ALDH9A1: variants seen among roughly 807,000 people sequenced by gnomAD.
ALDH9A1 encodes 4-trimethylaminobutyraldehyde dehydrogenase.
A neutral mutation model predicts 56.6 loss-of-function variants in ALDH9A1; 42 were observed. The observed-to-expected ratio is 0.74, with a 90% CI of 0.58 to 0.96. ALDH9A1 has a LOEUF of 0.96. Among genes scored for constraint, ALDH9A1 ranks in the 40% least tolerant of loss-of-function variants. ALDH9A1 has a pLI of 0.00. For missense variants in ALDH9A1, 661 were observed against 651.5 expected (o/e 1.01, Z -0.16); for synonymous variants, 242 against 236.0 (o/e 1.03, Z -0.23).
intron 2 of ALDH9A1, among the ~76,000 whole-genome samples, chr1:165,691,732 G>A (rs1226826206): frequency 6.6e-6 from 1 of 152,166 alleles, no homozygotes; most frequent in East Asian, 1.9e-4. Flanking sequence ...CTCATTTTAT[G>A]AGGCCAGCAT....
chr1:165,676,445 G>C (rs1649360479), intron 6 of ALDH9A1: 1 of 240,230 alleles, frequency 4.2e-6, no homozygotes, highest in Admixed American at 4.8e-5. Flanking sequence ...AAGCGAACGG[G>C]TACTATTCAA....
chr1:165,698,393 A>T lies in ALDH9A1; in HGVS notation c.166T>A (p.Phe56Ile). 6.3e-7 allele frequency: 1 copy of T among 1,593,628 alleles called. No individual in the cohort carries two copies. Among genetic ancestry groups the T allele is most frequent in the Non-Finnish European group, 8.5e-7 (1 of 1,171,620 alleles). Residue 56 changes from phenylalanine (F) to isoleucine (I), a missense_variant, in exon 1 of 11, where the codon TTC becomes ATC. By Grantham distance (21) the Phe-to-Ile change is conservative. Transcript: ENST00000354775. ...PADASGTEKA[F>I]EPATGRVIAT... ...TTGCAGTTACCGGTTGCTGGCTCGA[A>T]AGCTTTCTCGGTACCGGAGGCGTCC...
intron 2 of ALDH9A1, among the ~76,000 whole-genome samples, chr1:165,685,492 A>T (rs1274981325): frequency 6.6e-6 from 1 of 152,194 alleles, no homozygotes; most frequent in Non-Finnish European, 1.5e-5. Context: ...AGAAGGAAAA[A>T]ATGGAGGGAG....
chr1:165,668,925 C>A lies in ALDH9A1; in HGVS notation c.1207+1G>T. 2 of 1,577,920 alleles carry A rather than the reference C, an allele frequency of 1.3e-6. No homozygotes were observed. The highest frequency in any genetic ancestry group is 2.2e-5 in the South Asian group (2 of 89,870). On this transcript the variant is annotated splice_donor_variant, in intron 8 of 10. Transcript: ENST00000354775. LOFTEE classifies it high-confidence loss of function. ...TAAAAGCAAACAAAAAGAGGACATA[C>A]TTAATACACAAGGTCTCATGTAATA...
rs4646901 is a variant in ALDH9A1 at position 165,665,138 on chromosome 1, G to GA, written c.1350-9dup. 12,408 of 1,415,468 alleles carry GA rather than the reference G, an allele frequency of 8.8e-3. 96 individuals carry two copies. The highest frequency in any genetic ancestry group is 0.062 in the African/African-American group (4,316 of 69,076). 87.7% of individuals were successfully genotyped at this position (1,415,468 alleles called of 1,614,324 possible). On this transcript the variant is annotated splice_polypyrimidine_tract_variant and intron_variant, in intron 9 of 10. Coordinates refer to ENST00000354775, the MANE Select transcript of ALDH9A1 (RefSeq NM_000696.4). ...TGAGCCCGTTGGATGTCCCTATGAA[G>GA]AAAAAAAAAATGTGTGCATTATTGA...
intron 2 of ALDH9A1, among the ~76,000 whole-genome samples, chr1:165,691,855 C>G (rs1255910536): frequency 6.6e-6 from 1 of 152,210 alleles, no homozygotes; most frequent in Non-Finnish European, 1.5e-5. Context: ...AGTAGCACAT[C>G]AAAAAGCTTA....
At chr1:165,678,507 T>C (rs750922858) in intron 6 of ALDH9A1, among the ~76,000 whole-genome samples, 1 of 152,018 alleles carries the variant, frequency 6.6e-6, no homozygotes, top group Non-Finnish European at 1.5e-5. Context: ...GGTGAACAAA[T>C]ATAGAAGAAA....
chr1:165,682,311 A>G (rs1649577111), intron 3 of ALDH9A1, 70 bp from the exon 4 acceptor site: 2 of 1,541,756 alleles, frequency 1.3e-6, no homozygotes, highest in African/African-American at 1.4e-5. Context: ...CATCTGTACC[A>G]GTCTGACTTG....
intron 1 of ALDH9A1, chr1:165,698,153 T>C (rs1650155121): frequency 8.0e-7 from 1 of 1,247,092 alleles, no homozygotes; most frequent in Non-Finnish European, 1.0e-6. Flanking sequence ...CTCACGATCC[T>C]ACCACGCAAC....
Position 165,663,104 on chromosome 1 carries a change from A to G in ALDH9A1, c.1503T>C (p.Tyr501=), listed in dbSNP as rs774822929. Residue 501 remains tyrosine (Y), a synonymous_variant, in exon 11 of 11, where the codon TAT becomes TAC. Coordinates refer to ENST00000354775, the MANE Select transcript of ALDH9A1 (RefSeq NM_000696.4). ...CCACACACACAGTCTTCAGCTGTGA[A>G]TAATATTCGATTGTCACACGGCCGT... ...RENGRVTIEY[Y]SQLKTVCVEM... is the part of the protein sequence containing the mutation. 2.2e-5 allele frequency: 35 copies of G among 1,613,980 alleles called. 1 individual carries two copies. The East Asian group carries it at 7.6e-4, about 35-fold the overall frequency.
rs150385108 is a variant in ALDH9A1 at position 165,690,513 on chromosome 1, G to A, written c.327+4739C>T. ...TCCCAGCGTGATCAATGCAGAAGAC[G>A]GTGATTTCTGCATTTCCAACAGAGG... On this transcript the variant is annotated intron_variant, in intron 2 of 10. Transcript: ENST00000354775. Among the ~76,000 whole-genome samples, 203 of 152,214 alleles carry A rather than the reference G, an allele frequency of 1.3e-3. 2 individuals carry two copies. The highest frequency in any genetic ancestry group is 4.3e-3 in the African/African-American group (179 of 41,514).
intron 2 of ALDH9A1, among the ~76,000 whole-genome samples, chr1:165,686,216 AGGAG>A (rs1199810078): frequency 6.6e-6 from 1 of 152,196 alleles, no homozygotes; most frequent in Non-Finnish European, 1.5e-5. Context: ...TGGTCCCTGG[AGGAG>A]GGAACCAATG....
At chr1:165,680,719 T>C in intron 4 of ALDH9A1, 36 bp from the exon 5 acceptor site, 2 of 1,551,368 alleles carry the variant, frequency 1.3e-6, no homozygotes, top group East Asian at 4.5e-5. Flanking sequence ...AAAAAGACTT[T>C]CTAAGACCAG....
rs1307054458 is a variant in ALDH9A1 at position 165,668,918 on chromosome 1, G to C, written c.1207+8C>G. 1 of 1,554,062 alleles carries C rather than the reference G, an allele frequency of 6.4e-7. No individual in the cohort carries two copies. Among genetic ancestry groups the C allele is most frequent in the African/African-American group, 1.4e-5 (1 of 73,528 alleles). Reference sequence around the variant, plus strand: ...AATCATCTAAAAGCAAACAAAAAGAGGACATACTTAATACACAAGGTCTCA... The same window carrying C: ...AATCATCTAAAAGCAAACAAAAAGACGACATACTTAATACACAAGGTCTCA... On this transcript the variant is annotated splice_region_variant and intron_variant, in intron 8 of 10. Transcript: ENST00000354775.
At chr1:165,677,890 G>C (rs1181419518) in intron 6 of ALDH9A1, among the ~76,000 whole-genome samples, 2 of 151,516 alleles carry the variant, frequency 1.3e-5, no homozygotes, top group Admixed American at 1.3e-4. Flanking sequence ...TTAGCCAGCC[G>C]TGGTGGCACA....
intron 2 of ALDH9A1, among the ~76,000 whole-genome samples, chr1:165,686,622 T>A (rs1196472440): frequency 6.6e-6 from 1 of 151,798 alleles, no homozygotes; most frequent in Non-Finnish European, 1.5e-5. Context: ...GGTTAAGCAG[T>A]CAGAAGGGTA....
At chr1:165,691,131 A>G (rs1170109158) in intron 2 of ALDH9A1, among the ~76,000 whole-genome samples, 1 of 152,196 alleles carries the variant, frequency 6.6e-6, no homozygotes, top group African/African-American at 2.4e-5. Context: ...CTGACACCTC[A>G]TACAGGTGGG....
At chr1:165,683,228 T>G in intron 2 of ALDH9A1, 118 bp from the exon 3 acceptor site, 1 of 1,060,488 alleles carries the variant, frequency 9.4e-7, no homozygotes, top group Non-Finnish European at 1.4e-6. Context: ...TCACTTTAAA[T>G]GAAAAGAAAT....
intron 6 of ALDH9A1, chr1:165,671,747 T>G: frequency 3.2e-6 from 1 of 315,816 alleles, no homozygotes; most frequent in Non-Finnish European, 6.3e-6. Flanking sequence ...TCTATGTACT[T>G]GAGCAATAAA....
Sources: allele counts gnomAD v4.1 joint callset (sites outside exome capture counted in the v4.1 genomes callset), GRCh38; gene constraint gnomAD v4.1.1; transcripts MANE v1.5; gene names NCBI Gene and HGNC (gene_info 2026-07-23, HGNC 2026-07-21).